Variants in DEK observed in about 807,000 individuals in gnomAD.
The protein encoded by DEK is protein DEK.
In DEK, 28 loss-of-function variants were observed where a neutral mutation model predicts 46.8. The observed-to-expected ratio is 0.60, with a 90% confidence interval of 0.44 to 0.82. The LOEUF (loss-of-function observed/expected upper bound fraction) is 0.82, where lower values mean the gene tolerates loss of function less well. Among genes scored for constraint, DEK ranks in the 40% least tolerant of loss-of-function variants. The pLI is 0.00. For missense variants in DEK, 416 were observed against 430.6 expected (o/e 0.97, Z 0.30); for synonymous variants, 160 against 144.5 (o/e 1.11, Z -0.77).
chr6:18,256,172 A>T (rs1791587266), intron 5 of DEK, among the ~76,000 whole-genome samples, 189 bp downstream of exon 5: 1 of 152,030 alleles, frequency 6.6e-6, no homozygotes, highest in Non-Finnish European at 1.5e-5. Flanking sequence ...TCTTTAGTGG[A>T]GACGGGGTTT....
At chr6:18,244,255 G>A (rs577532932) in intron 7 of DEK, among the ~76,000 whole-genome samples, 2 of 152,286 alleles carry the variant, frequency 1.3e-5, no homozygotes, top group Admixed American at 6.5e-5. Context: ...TCTATATGCT[G>A]AGTGGTTCAA....
intron 4 of DEK, 49 bp from the exon 5 acceptor site, chr6:18,256,504 A>T: frequency 6.8e-7 from 1 of 1,477,242 alleles, no homozygotes; most frequent in East Asian, 2.3e-5. Context: ...AGTAATGTAC[A>T]CAAGAATAAA....
chr6:18,225,931 GCTA>G, intron 10 of DEK: 2 of 703,928 alleles, frequency 2.8e-6, no homozygotes, highest in Non-Finnish European at 4.6e-6. Flanking sequence ...GAGATGCCCA[GCTA>G]CCCAGGTACA....
chr6:18,237,098 G>A (rs1219392606), intron 8 of DEK: 1 of 295,652 alleles, frequency 3.4e-6, no homozygotes, highest in Non-Finnish European at 6.1e-6. Flanking sequence ...CTACCTTCAG[G>A]CTATTTAAGA....
rs1216255993 is a variant in DEK at position 18,263,877 on chromosome 6, G to T, written c.111C>A (p.Asp37Glu). ...CCTCCTCCTCCTCCTCGTCGTCCTC[G>T]TCCTCTTCCTCCTCGCTCTCCTCTC... ...GPREESEEEE[D>E]EDDEEEEEEE... The change falls in exon 2 of 11, where the codon GAC becomes GAA. Residue 37 changes from aspartate to glutamate, a missense_variant. Coordinates refer to ENST00000652689, the MANE Select transcript of DEK (RefSeq NM_003472.4). 1.9e-6 allele frequency: 3 copies of T among 1,612,042 alleles called. No individual in the cohort carries two copies. Among genetic ancestry groups the T allele is most frequent in the Non-Finnish European group, 2.5e-6 (3 of 1,179,040 alleles).
rs151325336 is a variant in DEK at position 18,232,901 on chromosome 6, A to G, written c.1047+3551T>C. ...AGCCCGCATTGCCAAAACAATCTTA[A>G]GCCAAAAGAACAAAGCTGGAGGCAG... On this transcript the variant is annotated intron_variant, in intron 9 of 10. Coordinates refer to ENST00000652689, the MANE Select transcript of DEK (RefSeq NM_003472.4). Among the ~76,000 whole-genome samples the G allele has an allele frequency of 1.5e-3, 225 of 152,336 alleles. 1 individual carries two copies. Among genetic ancestry groups the G allele is most frequent in the African/African-American group, 5.1e-3 (214 of 41,578 alleles).
At chr6:18,252,541 T>C (rs889551001) in intron 6 of DEK, among the ~76,000 whole-genome samples, 6 of 65,482 alleles carry the variant, frequency 9.2e-5, no homozygotes, top group African/African-American at 3.4e-4. Flanking sequence ...AAAAAGAAAA[T>C]AGCCTGAGCT....
chr6:18,247,146 A>C (rs1791154924), intron 7 of DEK, among the ~76,000 whole-genome samples: 1 of 152,186 alleles, frequency 6.6e-6, no homozygotes, highest in South Asian at 2.1e-4. Flanking sequence ...GTTGCCACAG[A>C]TACACTGTTC....
rs570211002 is a variant in DEK at position 18,260,747 on chromosome 6, T to C, written c.146-2342A>G. Among the ~76,000 whole-genome samples the C allele has an allele frequency of 2.1e-4, 32 of 152,108 alleles. 1 individual carries two copies. In the South Asian group the frequency reaches 6.4e-3, roughly 31 times the overall value. ...CAGGCGTGGTGGCTCATTCCTGTAA[T>C]CCAGGCCCTTTGGGAGGCAGAGACG... On this transcript the variant is annotated intron_variant, in intron 2 of 10. Transcript: ENST00000652689.
At chr6:18,241,480 A>C (rs1790891563) in intron 7 of DEK, among the ~76,000 whole-genome samples, 2 of 152,192 alleles carry the variant, frequency 1.3e-5, no homozygotes. Context: ...AATTTGATTA[A>C]TCCATACTCT....
At chr6:18,245,740 T>C (rs544136287) in intron 7 of DEK, among the ~76,000 whole-genome samples, 1 of 152,388 alleles carries the variant, frequency 6.6e-6, no homozygotes, top group Admixed American at 6.5e-5. Context: ...ATGTGGTTTA[T>C]GACCAAATGT....
At chr6:18,261,540 C>T (rs1022180335) in intron 2 of DEK, among the ~76,000 whole-genome samples, 2 of 152,216 alleles carry the variant, frequency 1.3e-5, no homozygotes, top group Non-Finnish European at 2.9e-5. Flanking sequence ...CACTGCACTC[C>T]AGCCTGGGCA....
At chr6:18,257,600 C>T (rs546317725) in intron 4 of DEK, among the ~76,000 whole-genome samples, 1 of 152,112 alleles carries the variant, frequency 6.6e-6, no homozygotes, top group African/African-American at 2.4e-5. Context: ...CCTGTGGTCC[C>T]AGCTACTTGG....
chr6:18,248,584 T>C (rs1241769892), intron 7 of DEK, among the ~76,000 whole-genome samples: 1 of 152,168 alleles, frequency 6.6e-6, no homozygotes, highest in East Asian at 1.9e-4. Flanking sequence ...TCTTAAATGA[T>C]GAAGCATTTC....
intron 2 of DEK, among the ~76,000 whole-genome samples, chr6:18,260,443 T>C (rs1456471126): frequency 6.6e-6 from 1 of 152,144 alleles, no homozygotes; most frequent in South Asian, 2.1e-4. Flanking sequence ...ACTCAAAATA[T>C]TCAAAAGAAA....
intron 6 of DEK, among the ~76,000 whole-genome samples, chr6:18,254,669 A>C (rs567052577): frequency 1.2e-3 from 183 of 152,300 alleles, no homozygotes; most frequent in Middle Eastern, 3.4e-3. Flanking sequence ...GATAAATATA[A>C]AAATATCTGT....
rs549443669 is a variant in DEK, at chr6:18,256,265, G to T, written c.452+96C>A. On this transcript the variant is annotated intron_variant, in intron 5 of 10. Coordinates refer to ENST00000652689, the MANE Select transcript of DEK (RefSeq NM_003472.4). ...GCCTCCCAAAGTGCTGGGATTACAG[G>T]TGTGAGCCACTGTGCCTGGCCCGAA... 1.1e-3 allele frequency: 1,185 copies of T among 1,071,404 alleles called. 17 individuals are homozygous for T. In the South Asian group the frequency reaches 0.018, roughly 16 times the overall value. 66.4% of individuals were successfully genotyped at this position (1,071,404 alleles called of 1,614,324 possible).
At position 18,253,283 on chromosome 6, in the gene DEK, G is replaced by C. The variant is rs546242391; in HGVS notation, c.573+2448C>G. On this transcript the variant is annotated intron_variant, in intron 6 of 10. Coordinates refer to ENST00000652689, the MANE Select transcript of DEK (RefSeq NM_003472.4). ...TTTCAAACATGAACAAGGTGAGCTT[G>C]TCACTTCAAGGAAAACTGAGAGCAT... 1.1e-4 allele frequency among the ~76,000 whole-genome samples: 16 copies of C among 152,246 alleles called. No homozygotes were observed. In the South Asian group the frequency reaches 3.3e-3, roughly 32 times the overall value.
Position 18,258,308 on chromosome 6 carries a change from T to C in DEK, c.243A>G (p.Ala81=). 1.2e-6 allele frequency: 2 copies of C among 1,606,022 alleles called. No individual in the cohort carries two copies. Among genetic ancestry groups the C allele is most frequent in the South Asian group, 1.1e-5 (1 of 88,440 alleles). The change falls in exon 3 of 11, where the codon GCA becomes GCG. Residue 81 remains alanine, a synonymous_variant. Transcript: ENST00000652689. The part of the protein sequence containing the change: ...SSLQREPFTI[A]QGKGQKLCEI... Reference sequence around the variant, plus strand: ...AGGAAGCTAGAATAAACTTACCTTGTGCAATTGTAAATGGCTCTCTCTGTA... The same window carrying C: ...AGGAAGCTAGAATAAACTTACCTTGCGCAATTGTAAATGGCTCTCTCTGTA...
Sources: gnomAD v4.1 joint callset for allele counts (sites outside exome capture counted in the v4.1 genomes callset) on GRCh38, gnomAD v4.1.1 for gene constraint, MANE v1.5 for transcripts, NCBI Gene and HGNC (gene_info 2026-07-23, HGNC 2026-07-21) for gene names.